ARHGAP26: variants seen among roughly 807,000 people sequenced by gnomAD.
ARHGAP26 encodes the protein rho GTPase-activating protein 26.
In ARHGAP26, 38 loss-of-function variants were observed where a neutral mutation model predicts 104.8. The observed-to-expected ratio is 0.36, with a 90% confidence interval of 0.28 to 0.48. The LOEUF (loss-of-function observed/expected upper bound fraction) is 0.48. Ranked by LOEUF, ARHGAP26 falls within the 20% of genes least tolerant of loss-of-function variation. The probability of loss-of-function intolerance (pLI) is 0.99; values close to 1 mark genes in which losing one functional copy is unlikely to be tolerated. For missense variants in ARHGAP26, 704 were observed against 947.9 expected (o/e 0.74, Z 3.38); for synonymous variants, 341 against 340.0 (o/e 1.00, Z -0.03).
chr5:143,154,420 C>T (rs174049), intron 20 of ARHGAP26, among the ~76,000 whole-genome samples: 88,625 of 151,980 alleles, frequency 0.58, 26,094 homozygotes, highest in Middle Eastern at 0.76. Context: ...TCATCTTTTA[C>T]TTACGTATTT....
rs530299619 is a variant in ARHGAP26 at position 142,844,584 on chromosome 5, G to T, written c.155-28816G>T. 1.4e-4 allele frequency among the ~76,000 whole-genome samples: 21 copies of T among 152,018 alleles called. No homozygotes were observed. The South Asian group carries it at 4.2e-3, about 30-fold the overall frequency. ...AACTCCAGAATAAGAACTCTTTTAGGCTGGGCGTAGTGGCTCACGTCTGTA... is the reference window on the plus strand; with the variant it reads ...AACTCCAGAATAAGAACTCTTTTAGTCTGGGCGTAGTGGCTCACGTCTGTA... On this transcript the variant is annotated intron_variant, in intron 1 of 22. Coordinates refer to ENST00000645722, the MANE Select transcript of ARHGAP26 (RefSeq NM_001135608.3).
chr5:142,934,094 C>T (rs1190736909), intron 11 of ARHGAP26, among the ~76,000 whole-genome samples: 1 of 152,198 alleles, frequency 6.6e-6, no homozygotes, highest in Non-Finnish European at 1.5e-5. Flanking sequence ...AAACCCACTA[C>T]TGTCTCTCCC....
intron 11 of ARHGAP26, among the ~76,000 whole-genome samples, chr5:142,982,914 G>A (rs1299228105): frequency 6.6e-6 from 1 of 152,176 alleles, no homozygotes; most frequent in African/African-American, 2.4e-5. Context: ...GTCCTGATGT[G>A]ACCAGGAAGC....
chr5:142,960,320 C>T (rs1267450174), intron 11 of ARHGAP26, among the ~76,000 whole-genome samples: 1 of 152,260 alleles, frequency 6.6e-6, no homozygotes, highest in Non-Finnish European at 1.5e-5. Flanking sequence ...GCAGTTCTCT[C>T]TCATCGATGG....
Position 142,875,126 on chromosome 5 carries a change from G to C in ARHGAP26, c.267G>C (p.Glu89Asp), listed in dbSNP as rs770917906. Residue 89 changes from glutamate to aspartate, a missense_variant, in exon 3 of 23, where the codon GAG becomes GAC. By Grantham distance (45) the Glu-to-Asp change is conservative. Coordinates refer to ENST00000645722, the MANE Select transcript of ARHGAP26 (RefSeq NM_001135608.3). ...DEMCIARSLQ[E>D]FATVLRNLED... Reference sequence around the variant, plus strand: ...GTTTTCCAGCAAGATCTTTGCAGGAGTTTGCCACTGTCCTCAGGAATCTTG... The same window carrying C: ...GTTTTCCAGCAAGATCTTTGCAGGACTTTGCCACTGTCCTCAGGAATCTTG... The C allele has an allele frequency of 6.2e-7, 1 of 1,614,136 alleles. No homozygotes were observed. The highest frequency in any genetic ancestry group is 8.5e-7 in the Non-Finnish European group (1 of 1,180,000).
At chr5:142,883,687 G>A (rs943042908) in intron 4 of ARHGAP26, among the ~76,000 whole-genome samples, 14 of 152,202 alleles carry the variant, frequency 9.2e-5, no homozygotes, top group Non-Finnish European at 1.8e-4. Context: ...GCTCTACTCT[G>A]CTCCTTCTGT....
intron 10 of ARHGAP26, among the ~76,000 whole-genome samples, chr5:142,928,604 G>A (rs1764256340): frequency 6.6e-6 from 1 of 152,164 alleles, no homozygotes. Flanking sequence ...GGGTTGGAAT[G>A]CCTGTGTTCA....
intron 12 of ARHGAP26, among the ~76,000 whole-genome samples, chr5:143,030,336 C>T (rs1781672385): frequency 6.6e-6 from 1 of 152,218 alleles, no homozygotes. Flanking sequence ...AAGCCCTCCT[C>T]TCAGCCCCAG....
intron 1 of ARHGAP26, among the ~76,000 whole-genome samples, chr5:142,795,692 G>T (rs1224171414): frequency 6.6e-6 from 1 of 152,180 alleles, no homozygotes; most frequent in East Asian, 1.9e-4. Context: ...ATTAAAGCCA[G>T]GAGGATAATT....
intron 1 of ARHGAP26, among the ~76,000 whole-genome samples, chr5:142,777,374 C>T (rs1756538253): frequency 6.6e-6 from 1 of 152,198 alleles, no homozygotes; most frequent in East Asian, 1.9e-4. Context: ...TCCAAGCCCT[C>T]TCAATGGACA....
chr5:142,812,693 T>C (rs1198048242), intron 1 of ARHGAP26, among the ~76,000 whole-genome samples: 1 of 152,108 alleles, frequency 6.6e-6, no homozygotes, highest in Non-Finnish European at 1.5e-5. Context: ...CATGCTATCA[T>C]GTCCAGCTAA....
At chr5:143,201,667 ATC>A (rs2151315414) in intron 20 of ARHGAP26, among the ~76,000 whole-genome samples, 1 of 152,372 alleles carries the variant, frequency 6.6e-6, no homozygotes, top group Admixed American at 6.5e-5. Context: ...TGCGTCTTAT[ATC>A]TCACATATGT....
At chr5:142,981,694 T>G (rs1773960661) in intron 11 of ARHGAP26, among the ~76,000 whole-genome samples, 1 of 152,196 alleles carries the variant, frequency 6.6e-6, no homozygotes, top group Non-Finnish European at 1.5e-5. Context: ...ACTTTCTACT[T>G]TAAAGGATTA....
At chr5:143,222,084 AT>A (rs1811235415) in intron 22 of ARHGAP26, among the ~76,000 whole-genome samples, 1 of 152,198 alleles carries the variant, frequency 6.6e-6, no homozygotes, top group South Asian at 2.1e-4. Context: ...TGTACACAAA[AT>A]TTTGTATGTC....
chr5:143,149,523 C>T (rs1799561502), intron 20 of ARHGAP26, among the ~76,000 whole-genome samples: 2 of 152,180 alleles, frequency 1.3e-5, no homozygotes, highest in Non-Finnish European at 2.9e-5. Flanking sequence ...ATATTTTCTG[C>T]CTGGGATTTG....
intron 1 of ARHGAP26, among the ~76,000 whole-genome samples, chr5:142,809,013 T>A (rs1386358536): frequency 1.3e-5 from 2 of 152,258 alleles, no homozygotes; most frequent in African/African-American, 4.8e-5. Flanking sequence ...AGTGCCTGTA[T>A]GGCTGGCTGT....
intron 22 of ARHGAP26, chr5:143,216,058 A>G (rs560323285): frequency 8.3e-5 from 33 of 399,404 alleles, no homozygotes; most frequent in African/African-American, 6.5e-4. Context: ...GCACCATTTT[A>G]CCATTTTATG....
intron 3 of ARHGAP26, among the ~76,000 whole-genome samples, chr5:142,878,314 A>G (rs908840902): frequency 3.9e-5 from 6 of 152,256 alleles, no homozygotes; most frequent in Non-Finnish European, 7.3e-5. Context: ...GCGATGGACA[A>G]TTCAGCCCAC....
At position 143,207,029 on chromosome 5, in the gene ARHGAP26, G is replaced by A. The variant is rs371508031; in HGVS notation, c.1989-169G>A. On this transcript the variant is annotated intron_variant, in intron 20 of 22. Coordinates refer to ENST00000645722, the MANE Select transcript of ARHGAP26 (RefSeq NM_001135608.3). ...TTACAGAACAGACGTTTACTTGGACGTGGAGATTTGGTCTGGAGGAATGTG... is the reference window on the plus strand; with the variant it reads ...TTACAGAACAGACGTTTACTTGGACATGGAGATTTGGTCTGGAGGAATGTG... 9.8e-5 allele frequency among the ~76,000 whole-genome samples: 15 copies of A among 152,326 alleles called. No individual in the cohort carries two copies. The South Asian group carries it at 2.7e-3, about 27-fold the overall frequency.
Sources: allele counts gnomAD v4.1 joint callset (sites outside exome capture counted in the v4.1 genomes callset), GRCh38; gene constraint gnomAD v4.1.1; transcripts MANE v1.5; gene names NCBI Gene and HGNC (gene_info 2026-07-23, HGNC 2026-07-21).